The following SARDH variants were observed in gnomAD, a reference collection of about 807,000 sequenced individuals.
SARDH encodes sarcosine dehydrogenase, also known as sarcosine dehydrogenase, mitochondrial.
Under a neutral mutation model 109.1 loss-of-function variants are expected in SARDH, and 95 were observed. The observed-to-expected ratio is 0.87, with a 90% CI of 0.74 to 1.03. The LOEUF is 1.03. Ranked by LOEUF, SARDH falls within the 50% of genes least tolerant of loss-of-function variation. The pLI is 0.00. For missense variants in SARDH, 1,267 were observed against 1,287.8 expected (o/e 0.98, Z 0.25); for synonymous variants, 572 against 534.8 (o/e 1.07, Z -0.96).
chr9:133,673,890 G>A (rs1830432954), intron 17 of SARDH, among the ~76,000 whole-genome samples: 1 of 152,214 alleles, frequency 6.6e-6, no homozygotes, highest in Non-Finnish European at 1.5e-5. Flanking sequence ...GGAGTTCACG[G>A]GTGGAAGGGA....
chr9:133,725,594 T>C, intron 6 of SARDH: 1 of 406,056 alleles, frequency 2.5e-6, no homozygotes, highest in Non-Finnish European at 5.0e-6. Context: ...GAGAATTGCT[T>C]GAACCCGGGA....
In SARDH at chr9:133,664,033, A is replaced by G; in HGVS notation, c.2632-19T>C. On this transcript the variant is annotated intron_variant, in intron 20 of 20. Transcript: ENST00000439388. ...GCGAGACCTAGGAGCAGAGGTGGGG[A>G]TGAGGATCACTCTCTGTTGGTAGGT... The G allele has an allele frequency of 6.2e-7, 1 of 1,613,412 alleles. No homozygotes were observed. The highest frequency in any genetic ancestry group is 8.5e-7 in the Non-Finnish European group (1 of 1,179,662).
rs947184720 is a variant in SARDH at position 133,709,726 on chromosome 9, G to A, written c.1329-1298C>T. On this transcript the variant is annotated intron_variant, in intron 10 of 20. Transcript: ENST00000439388. This position sits in a 1 kb window ranked among gnomAD's most constrained non-coding sequence, Gnocchi z 4.2. ...CAGTGCAGGCTCAGAGCTGAGTGCTGCTGTGGGAGGAAATCCCTCTCTCTT... is the reference window on the plus strand; with the variant it reads ...CAGTGCAGGCTCAGAGCTGAGTGCTACTGTGGGAGGAAATCCCTCTCTCTT... Among the ~76,000 whole-genome samples, 3 of 152,312 alleles carry A rather than the reference G, an allele frequency of 2.0e-5. No individual in the cohort carries two copies. The highest frequency in any genetic ancestry group is 4.1e-4 in the South Asian group (2 of 4,828).
chr9:133,718,000 T>C (rs1832190545), intron 7 of SARDH, among the ~76,000 whole-genome samples: 1 of 152,206 alleles, frequency 6.6e-6, no homozygotes, highest in Non-Finnish European at 1.5e-5. Context: ...TGCTCCAGTC[T>C]CTCTAGGCTG....
At chr9:133,739,772 G>C (rs1316359651), upstream of SARDH, 2 of 152,306 alleles carry the variant, frequency 1.3e-5, no homozygotes, top group Non-Finnish European at 2.9e-5. Flanking sequence ...AGCTAGGGCT[G>C]TGCTCACCCA....
At chr9:133,738,930 CA>C (rs1398098952), upstream of SARDH, among the ~76,000 whole-genome samples, 3 of 152,216 alleles carry the variant, frequency 2.0e-5, no homozygotes, top group Admixed American at 2.0e-4. Context: ...GAGATGCCCC[CA>C]AGCCACTGGC....
intron 1 of SARDH, among the ~76,000 whole-genome samples, chr9:133,735,527 C>T (rs1282446509): frequency 6.6e-6 from 1 of 152,234 alleles, no homozygotes; most frequent in Non-Finnish European, 1.5e-5. Context: ...AAGGAGTCAC[C>T]ATGTCCTGGG....
At chr9:133,708,511 A>G in intron 10 of SARDH, 83 bp from the exon 11 acceptor site, 2 of 1,485,610 alleles carry the variant, frequency 1.3e-6, no homozygotes, top group East Asian at 4.8e-5. Flanking sequence ...GTAAGCCTGG[A>G]CCCCGGTCCC....
At position 133,730,112 on chromosome 9, in the gene SARDH, C is replaced by A. The variant is rs775453213; in HGVS notation, c.766G>T (p.Glu256Ter). The change falls in exon 5 of 21, where the codon GAG (glutamate) becomes TAG (stop). Residue 256 changes from glutamate (E) to a stop codon, truncating the protein, a stop_gained. Transcript: ENST00000439388. LOFTEE classifies it high-confidence loss of function. ...DFGVRRVAGV[E>*]TQHGSIQTPC... ...GTCTGGATGGAACCATGCTGAGTCT[C>A]CACACCCGCGACCCGCCGCACCCCA... 1.2e-6 allele frequency: 2 copies of A among 1,614,208 alleles called. No homozygotes were observed. The highest frequency in any genetic ancestry group is 1.7e-6 in the Non-Finnish European group (2 of 1,180,036).
intron 17 of SARDH, among the ~76,000 whole-genome samples, chr9:133,678,051 G>A (rs1830577851): frequency 6.6e-6 from 1 of 152,212 alleles, no homozygotes; most frequent in Non-Finnish European, 1.5e-5. Context: ...AGGCCCTGGA[G>A]GGAGTTCTGT....
chr9:133,713,367 C>T (rs577644328), intron 8 of SARDH, among the ~76,000 whole-genome samples: 22 of 152,194 alleles, frequency 1.4e-4, no homozygotes, highest in Admixed American at 2.0e-4. Flanking sequence ...TGGCTGGGTT[C>T]TGCCTGGTGG....
intron 16 of SARDH, 74 bp from the exon 17 acceptor site, chr9:133,685,360 C>A (rs928299169): frequency 8.0e-7 from 1 of 1,244,844 alleles, no homozygotes; most frequent in African/African-American, 1.5e-5. Flanking sequence ...GCCCCGGGGA[C>A]CTGCCATGAG....
chr9:133,705,083 C>T (rs1393210762), intron 11 of SARDH, 52 bp from the exon 12 acceptor site: 19 of 1,515,192 alleles, frequency 1.3e-5, no homozygotes, highest in Middle Eastern at 1.7e-4. Flanking sequence ...GATACCCCTG[C>T]GCAGGGCAGA....
chr9:133,692,301 C>A lies in SARDH; in HGVS notation c.1922-1774G>T, dbSNP rs990220736. Among the ~76,000 whole-genome samples, 2 of 152,196 alleles carry A rather than the reference C, an allele frequency of 1.3e-5. No individual in the cohort carries two copies. Among genetic ancestry groups the A allele is most frequent in the African/African-American group, 4.8e-5 (2 of 41,446 alleles). On this transcript the variant is annotated intron_variant, in intron 15 of 20. Coordinates refer to ENST00000439388, the MANE Select transcript of SARDH (RefSeq NM_001134707.2). The surrounding 1 kb of genome is among the most constrained non-coding windows in gnomAD (Gnocchi z 5.0). ...CTGTGTCCTCATTTTGGCCCCTCTA[C>A]TGTCTCCCTAGCTAGACTCACTAAG...
intron 17 of SARDH, among the ~76,000 whole-genome samples, chr9:133,682,538 C>T (rs1036051801): frequency 6.6e-6 from 1 of 152,228 alleles, no homozygotes; most frequent in Non-Finnish European, 1.5e-5. Context: ...CCGCAGCTCA[C>T]GAGACCTGCC....
rs1216228474 is a variant in SARDH at position 133,709,645 on chromosome 9, GATT to G, written c.1329-1220_1329-1218del. 3.9e-5 allele frequency among the ~76,000 whole-genome samples: 6 copies of G among 152,176 alleles called. No individual in the cohort carries two copies. Among genetic ancestry groups the G allele is most frequent in the African/African-American group, 1.2e-4 (5 of 41,488 alleles). ...TGGGGAGTAGAGGTGCAGACGTGAG[GATT>G]ATTATTAATGATATTATCATTAACA... On this transcript the variant is annotated intron_variant, in intron 10 of 20. Transcript: ENST00000439388. This position sits in a 1 kb window ranked among gnomAD's most constrained non-coding sequence, Gnocchi z 4.2.
At position 133,663,737 on chromosome 9, in the gene SARDH, G is replaced by C; in HGVS notation, c.*152C>G. 1 of 1,063,704 alleles carries C rather than the reference G, an allele frequency of 9.4e-7. No individual in the cohort carries two copies. The highest frequency in any genetic ancestry group is 1.4e-6 in the Non-Finnish European group (1 of 725,002). The allele number at this position is 1,063,704 out of a possible 1,614,324, so 65.9% of individuals were successfully genotyped here. Reference sequence around the variant, plus strand: ...GGATGGGCCATCTTGGTCTCTGTCCGTATCTGGTTTGGGGGTTTTCGCAGG... The same window carrying C: ...GGATGGGCCATCTTGGTCTCTGTCCCTATCTGGTTTGGGGGTTTTCGCAGG... On this transcript the variant is annotated 3_prime_UTR_variant, in exon 21 of 21. Transcript: ENST00000439388.
At chr9:133,689,182 C>G (rs1366205304) in intron 16 of SARDH, among the ~76,000 whole-genome samples, 1 of 151,734 alleles carries the variant, frequency 6.6e-6, no homozygotes, top group East Asian at 1.9e-4. Flanking sequence ...CATCTCCCCC[C>G]CACCCCTCCC....
Position 133,691,169 on chromosome 9 carries a change from A to AACACACACAC in SARDH, c.1922-652_1922-643dup, listed in dbSNP as rs3081171. ...ACAGACACCCTACCTCACCTCCCCC[A>AACACACACAC]ACACACACACACACACACACACACA... On this transcript the variant is annotated intron_variant, in intron 15 of 20. Transcript: ENST00000439388. 4.6e-3 allele frequency among the ~76,000 whole-genome samples: 521 copies of AACACACACAC among 112,168 alleles called. 8 individuals are homozygous for AACACACACAC. The highest frequency in any genetic ancestry group is 0.013 in the African/African-American group (369 of 27,806). 73.6% of individuals were successfully genotyped at this position (112,168 alleles called of 152,430 possible).
Sources: allele counts gnomAD v4.1 joint callset (sites outside exome capture counted in the v4.1 genomes callset), GRCh38; gene constraint gnomAD v4.1.1; non-coding constraint Gnocchi (gnomAD v3.1); transcripts MANE v1.5; gene names NCBI Gene and HGNC (gene_info 2026-07-23, HGNC 2026-07-21).